Variants in GALNT18 observed in about 807,000 individuals in gnomAD.
GALNT18 encodes the protein GalNAc-transferase 18.
A neutral mutation model predicts 69.5 loss-of-function variants in GALNT18; 44 were observed. That is an observed-to-expected ratio of 0.63 (90% CI 0.50 to 0.81). The LOEUF (loss-of-function observed/expected upper bound fraction) is 0.81. GALNT18 is among the 40% of genes least tolerant of loss of function. The pLI is 0.00. For synonymous variants in GALNT18, 364 were observed against 318.2 expected (o/e 1.14, Z -1.53); for missense variants, 715 against 810.0 (o/e 0.88, Z 1.42).
chr11:11,274,812 G>T (rs905430290), intron 10 of GALNT18, among the ~76,000 whole-genome samples: 2 of 152,140 alleles, frequency 1.3e-5, no homozygotes, highest in Non-Finnish European at 2.9e-5. Flanking sequence ...TTGGTTTTCT[G>T]TTCTTTGCTG....
intron 1 of GALNT18, among the ~76,000 whole-genome samples, chr11:11,467,241 A>G (rs78360673): frequency 0.074 from 11,266 of 152,216 alleles, 897 homozygotes; most frequent in East Asian, 0.22. Flanking sequence ...ACTGAGGATC[A>G]GGGCTCATAG....
At position 11,454,507 on chromosome 11, in the gene GALNT18, C is replaced by CCT. The variant is rs563973696; in HGVS notation, c.236-5573_236-5572dup. Among the ~76,000 whole-genome samples, 15,277 of 150,222 alleles carry CCT rather than the reference C, an allele frequency of 0.1. 831 individuals are homozygous for CCT. The highest frequency in any genetic ancestry group is 0.12 in the African/African-American group (4,877 of 40,944). ...AGAAGGAGGCTGTGTCTTCTTCTTG[C>CCT]CTCTCTCTCTCTCTCTCTTTCAAAT... On this transcript the variant is annotated intron_variant, in intron 1 of 10. Coordinates refer to ENST00000227756, the MANE Select transcript of GALNT18 (RefSeq NM_198516.3). This position sits in a 1 kb window ranked among gnomAD's most constrained non-coding sequence, Gnocchi z 4.2.
At chr11:11,296,444 C>T (rs60842800) in intron 9 of GALNT18, among the ~76,000 whole-genome samples, 15,564 of 152,208 alleles carry the variant, frequency 0.1, 1,132 homozygotes, top group African/African-American at 0.21. Flanking sequence ...GACACTGTAG[C>T]TCTTAATCTC....
chr11:11,587,803 C>T lies in GALNT18; in HGVS notation c.235+33556G>A, dbSNP rs917017134. On this transcript the variant is annotated intron_variant, in intron 1 of 10. Coordinates refer to ENST00000227756, the MANE Select transcript of GALNT18 (RefSeq NM_198516.3). This position sits in a 1 kb window ranked among gnomAD's most constrained non-coding sequence, Gnocchi z 4.4. ...TGGTAAAGCCCACCCCATCTCTAGC[C>T]CCCACCCTTTCATTTCATGAACCTC... Among the ~76,000 whole-genome samples, 1 of 152,088 alleles carries T rather than the reference C, an allele frequency of 6.6e-6. No homozygotes were observed. The highest frequency in any genetic ancestry group is 2.4e-5 in the African/African-American group (1 of 41,398).
At chr11:11,313,152 C>T (rs1207879221) in intron 9 of GALNT18, among the ~76,000 whole-genome samples, 2 of 152,034 alleles carry the variant, frequency 1.3e-5, no homozygotes, top group East Asian at 1.9e-4. Context: ...CTCTAATGCT[C>T]GGGCCCTGGA....
chr11:11,486,662 A>G (rs1590045214), intron 1 of GALNT18, among the ~76,000 whole-genome samples: 1 of 152,256 alleles, frequency 6.6e-6, no homozygotes, highest in African/African-American at 2.4e-5. Flanking sequence ...CTGACAGCCA[A>G]CGGCAGTCCC....
chr11:11,455,340 G>C (rs1480987679), intron 1 of GALNT18, among the ~76,000 whole-genome samples: 2 of 152,178 alleles, frequency 1.3e-5, no homozygotes, highest in African/African-American at 4.8e-5. Flanking sequence ...TATATAAGAT[G>C]CCATTGGGTC....
chr11:11,303,749 G>C (rs1420855060), intron 9 of GALNT18, among the ~76,000 whole-genome samples: 1 of 152,232 alleles, frequency 6.6e-6, no homozygotes, highest in African/African-American at 2.4e-5. Context: ...CTGAGGAACA[G>C]CTGCACCCTT....
At chr11:11,581,559 C>T (rs968204929) in intron 1 of GALNT18, among the ~76,000 whole-genome samples, 1 of 152,210 alleles carries the variant, frequency 6.6e-6, no homozygotes, top group African/African-American at 2.4e-5. Flanking sequence ...CCATGACACC[C>T]CCAGCCCTTG....
At chr11:11,369,183 T>C (rs1253835319) in intron 6 of GALNT18, among the ~76,000 whole-genome samples, 2 of 152,212 alleles carry the variant, frequency 1.3e-5, no homozygotes, top group African/African-American at 4.8e-5. Flanking sequence ...CCTGTGTAGG[T>C]TTCCCGGGCC....
intron 1 of GALNT18, among the ~76,000 whole-genome samples, chr11:11,533,733 A>G (rs897050112): frequency 4.7e-4 from 71 of 152,246 alleles, no homozygotes; most frequent in African/African-American, 1.7e-3. Flanking sequence ...AAACAGAATG[A>G]AAATGTTATC....
chr11:11,429,699 G>T (rs1261042132), intron 3 of GALNT18, among the ~76,000 whole-genome samples: 2 of 152,238 alleles, frequency 1.3e-5, no homozygotes, highest in Non-Finnish European at 2.9e-5. Flanking sequence ...ATCCATGGTG[G>T]AGAGGGTTCC....
intron 3 of GALNT18, among the ~76,000 whole-genome samples, chr11:11,391,601 T>A (rs928285778): frequency 2.0e-5 from 3 of 152,268 alleles, no homozygotes; most frequent in African/African-American, 7.2e-5. Flanking sequence ...GCTATCTTTT[T>A]TTCTCATTCA....
In GALNT18 at chr11:11,283,367, G is replaced by A. The variant is rs184617645; in HGVS notation, c.1677+9662C>T. Among the ~76,000 whole-genome samples the A allele has an allele frequency of 1.6e-3, 244 of 152,228 alleles. 2 individuals carry two copies. Among genetic ancestry groups the A allele is most frequent in the Non-Finnish European group, 6.8e-4 (46 of 68,012 alleles). On this transcript the variant is annotated intron_variant, in intron 10 of 10. Transcript: ENST00000227756. Reference sequence around the variant, plus strand: ...TTGCCATGTTGGCCAGGCTGGTCTCGAACTCCTGACCTCAGGTGATCTGCC... The same window carrying A: ...TTGCCATGTTGGCCAGGCTGGTCTCAAACTCCTGACCTCAGGTGATCTGCC...
chr11:11,377,925 T>TG lies in GALNT18; in HGVS notation c.780-547dup, dbSNP rs925247361. On this transcript the variant is annotated intron_variant, in intron 4 of 10. Coordinates refer to ENST00000227756, the MANE Select transcript of GALNT18 (RefSeq NM_198516.3). The surrounding 1 kb of genome is among the most constrained non-coding windows in gnomAD (Gnocchi z 4.6). Reference sequence around the variant, plus strand: ...CGTTTCCCAACCACCCAAGGAGGGGTGGGGCATTTGGGCTTTCCCAGGGAG... The same window carrying TG: ...CGTTTCCCAACCACCCAAGGAGGGGTGGGGGCATTTGGGCTTTCCCAGGGAG... Among the ~76,000 whole-genome samples, 4 of 151,864 alleles carry TG rather than the reference T, an allele frequency of 2.6e-5. No homozygotes were observed. Among genetic ancestry groups the TG allele is most frequent in the Non-Finnish European group, 5.9e-5 (4 of 67,972 alleles).
intron 3 of GALNT18, among the ~76,000 whole-genome samples, chr11:11,390,348 C>A (rs140272957): frequency 1.3e-5 from 2 of 152,336 alleles, no homozygotes; most frequent in Middle Eastern, 3.4e-3. Context: ...CTGTAGGAAG[C>A]TTTTCCTCAC....
chr11:11,476,841 G>A (rs1856410774), intron 1 of GALNT18, among the ~76,000 whole-genome samples: 1 of 152,208 alleles, frequency 6.6e-6, no homozygotes, highest in Non-Finnish European at 1.5e-5. Context: ...GATACCAGAT[G>A]CCCAAGCAAG....
At chr11:11,278,511 A>G (rs976862430) in intron 10 of GALNT18, among the ~76,000 whole-genome samples, 3 of 147,592 alleles carry the variant, frequency 2.0e-5, no homozygotes, top group Admixed American at 1.4e-4. Flanking sequence ...CTTATAGTAT[A>G]AAAAAAAAAG....
Position 11,606,012 on chromosome 11 carries a change from C to T in GALNT18, c.235+15347G>A, listed in dbSNP as rs943332110. 6.6e-6 allele frequency among the ~76,000 whole-genome samples: 1 copy of T among 152,164 alleles called. No homozygotes were observed. The highest frequency in any genetic ancestry group is 2.4e-5 in the African/African-American group (1 of 41,438). ...ATGAGAGAGACCCCAGAAGCATGAGCGTTCCTGTCCCTGACCCAAAAGCAT... is the reference window on the plus strand; with the variant it reads ...ATGAGAGAGACCCCAGAAGCATGAGTGTTCCTGTCCCTGACCCAAAAGCAT... On this transcript the variant is annotated intron_variant, in intron 1 of 10. Coordinates refer to ENST00000227756, the MANE Select transcript of GALNT18 (RefSeq NM_198516.3). The surrounding 1 kb of genome is among the most constrained non-coding windows in gnomAD (Gnocchi z 5.4).
Sources: allele counts gnomAD v4.1 joint callset (sites outside exome capture counted in the v4.1 genomes callset), GRCh38; gene constraint gnomAD v4.1.1; non-coding constraint Gnocchi (gnomAD v3.1); transcripts MANE v1.5; gene names NCBI Gene and HGNC (gene_info 2026-07-23, HGNC 2026-07-21).